SPOCK3: variants seen among roughly 807,000 people sequenced by gnomAD.
SPOCK3 encodes testican-3.
SPOCK3 carries 30 observed loss-of-function variants against 56.6 expected under a neutral mutation model. That is an observed-to-expected ratio of 0.53 (90% CI 0.40 to 0.72). The LOEUF (loss-of-function observed/expected upper bound fraction) is 0.72, where lower values mean the gene tolerates loss of function less well. SPOCK3 is among the 30% of genes least tolerant of loss of function. The pLI, the probability that SPOCK3 is intolerant of heterozygous loss-of-function variation, is 0.00. For missense variants in SPOCK3, 527 were observed against 530.0 expected, an observed-to-expected ratio of 0.99 and a Z score of 0.06; for synonymous variants, 196 against 183.3, an observed-to-expected ratio of 1.07 and a Z score of -0.56.
intron 2 of SPOCK3, among the ~76,000 whole-genome samples, chr4:167,185,326 T>C (rs938281537): frequency 6.6e-6 from 1 of 152,212 alleles, no homozygotes; most frequent in Non-Finnish European, 1.5e-5. Flanking sequence ...TACTGTAATA[T>C]TCCCACCATT....
chr4:166,862,874 T>C (rs1731384215), intron 6 of SPOCK3, among the ~76,000 whole-genome samples: 1 of 151,854 alleles, frequency 6.6e-6, no homozygotes, highest in Admixed American at 6.6e-5. Context: ...TTTTATATAC[T>C]TAAAATTATT....
intron 5 of SPOCK3, among the ~76,000 whole-genome samples, chr4:166,899,780 G>A (rs1735844241): frequency 6.6e-6 from 1 of 152,098 alleles, no homozygotes; most frequent in Non-Finnish European, 1.5e-5. Flanking sequence ...CTCCCAAGAT[G>A]CTGGGATTAC....
intron 2 of SPOCK3, among the ~76,000 whole-genome samples, chr4:167,104,715 A>T (rs997577561): frequency 6.6e-6 from 1 of 152,228 alleles, no homozygotes; most frequent in Admixed American, 6.5e-5. Flanking sequence ...CTAGGGAAAG[A>T]TATCAATGTT....
chr4:167,184,138 A>G (rs1731745411), intron 2 of SPOCK3, among the ~76,000 whole-genome samples: 1 of 152,208 alleles, frequency 6.6e-6, no homozygotes, highest in South Asian at 2.1e-4. Flanking sequence ...AGGCTTCAAT[A>G]TTGAGGGACT....
intron 3 of SPOCK3, among the ~76,000 whole-genome samples, chr4:167,060,782 T>C (rs895794831): frequency 6.6e-6 from 1 of 151,860 alleles, no homozygotes; most frequent in Non-Finnish European, 1.5e-5. Flanking sequence ...GGTTTGGGGG[T>C]TCAGACTGAC....
At chr4:166,833,911 G>C (rs572413072) in intron 6 of SPOCK3, among the ~76,000 whole-genome samples, 1 of 152,166 alleles carries the variant, frequency 6.6e-6, no homozygotes, top group Non-Finnish European at 1.5e-5. Flanking sequence ...AGAGCGGTTT[G>C]TTCCTCTGCT....
intron 3 of SPOCK3, among the ~76,000 whole-genome samples, chr4:167,005,438 C>A (rs930561136): frequency 6.6e-6 from 1 of 151,906 alleles, no homozygotes. Flanking sequence ...TGGTCTCGAT[C>A]CCCTGACCTC....
chr4:167,205,248 A>G (rs1268833304), intron 2 of SPOCK3, among the ~76,000 whole-genome samples: 1 of 83,392 alleles, frequency 1.2e-5, no homozygotes, highest in Non-Finnish European at 2.2e-5. Flanking sequence ...CATATTATAT[A>G]TTATATATAT....
At chr4:166,895,875 G>A (rs1322877604) in intron 5 of SPOCK3, among the ~76,000 whole-genome samples, 1 of 152,018 alleles carries the variant, frequency 6.6e-6, no homozygotes, top group Non-Finnish European at 1.5e-5. Flanking sequence ...AAAACATAGT[G>A]TTTCCTCTGT....
chr4:167,077,947 C>T (rs1018486741), intron 2 of SPOCK3, among the ~76,000 whole-genome samples: 5 of 151,840 alleles, frequency 3.3e-5, no homozygotes, highest in African/African-American at 1.2e-4. Flanking sequence ...CACCTTTATG[C>T]CATACCATGG....
chr4:167,156,519 T>C (rs1423617848), intron 2 of SPOCK3, among the ~76,000 whole-genome samples: 4 of 152,074 alleles, frequency 2.6e-5, no homozygotes, highest in Non-Finnish European at 4.4e-5. Context: ...AGTTCAGGCA[T>C]GTGAAAAGAT....
At chr4:166,739,546 C>T (rs1477770642) in intron 9 of SPOCK3, among the ~76,000 whole-genome samples, 2 of 152,086 alleles carry the variant, frequency 1.3e-5, no homozygotes, top group African/African-American at 4.8e-5. Flanking sequence ...CGACTAGAGA[C>T]TTCTTTTTAT....
chr4:166,979,563 C>A (rs1746353740), intron 4 of SPOCK3, among the ~76,000 whole-genome samples: 1 of 152,060 alleles, frequency 6.6e-6, no homozygotes, highest in Non-Finnish European at 1.5e-5. Context: ...TACTTCTGTG[C>A]AGAACAAAAC....
intron 6 of SPOCK3, among the ~76,000 whole-genome samples, chr4:166,864,977 C>CA (rs1240644827): frequency 3.9e-5 from 6 of 151,950 alleles, no homozygotes; most frequent in Non-Finnish European, 8.8e-5. Flanking sequence ...AGACACATAA[C>CA]AAAAAAAGAA....
intron 4 of SPOCK3, among the ~76,000 whole-genome samples, chr4:166,979,721 A>G (rs1470717540): frequency 2.0e-5 from 3 of 152,134 alleles, no homozygotes; most frequent in African/African-American, 7.2e-5. Flanking sequence ...TGAATTTCCC[A>G]GGGATCTATT....
chr4:166,789,474 CCAA>C (rs1426177577), intron 7 of SPOCK3, among the ~76,000 whole-genome samples: 1 of 151,742 alleles, frequency 6.6e-6, no homozygotes, highest in Non-Finnish European at 1.5e-5. Context: ...CAAAAACACC[CCAA>C]CATTTGCTCA....
chr4:167,162,684 A>G (rs185049682), intron 2 of SPOCK3, among the ~76,000 whole-genome samples: 1 of 152,186 alleles, frequency 6.6e-6, no homozygotes, highest in East Asian at 1.9e-4. Flanking sequence ...GGATATAATT[A>G]TGGCGGTCTG....
chr4:166,915,194 A>G (rs1428944005), intron 4 of SPOCK3, among the ~76,000 whole-genome samples: 1 of 152,126 alleles, frequency 6.6e-6, no homozygotes, highest in African/African-American at 2.4e-5. Context: ...TTGCATTTCC[A>G]GACTCCTTTT....
intron 4 of SPOCK3, among the ~76,000 whole-genome samples, chr4:166,980,535 C>A (rs1481838183): frequency 1.3e-5 from 2 of 152,208 alleles, no homozygotes; most frequent in African/African-American, 4.8e-5. Context: ...CTGTGCTTGG[C>A]TCATGCTAGC....
Sources: allele counts gnomAD v4.1 joint callset (sites outside exome capture counted in the v4.1 genomes callset), GRCh38; gene constraint gnomAD v4.1.1; transcripts MANE v1.5; gene names NCBI Gene and HGNC (gene_info 2026-07-23, HGNC 2026-07-21).